Variants in CCDC50 observed in about 807,000 individuals in gnomAD.
The protein encoded by CCDC50 is coiled-coil domain-containing protein 50.
CCDC50 carries 54 observed loss-of-function variants against 70.2 expected under a neutral mutation model. The observed-to-expected ratio is 0.77, with a 90% CI of 0.62 to 0.96. The LOEUF (loss-of-function observed/expected upper bound fraction) is 0.96, where lower values mean the gene tolerates loss of function less well. Ranked by LOEUF, CCDC50 falls within the 50% of genes least tolerant of loss-of-function variation. The pLI is 0.00. For missense variants in CCDC50, 558 were observed against 578.7 expected (o/e 0.96, Z 0.37); for synonymous variants, 216 against 198.8 (o/e 1.09, Z -0.73).
chr3:191,381,119 T>C (rs986710452), intron 9 of CCDC50, among the ~76,000 whole-genome samples, 187 bp downstream of exon 9: 4 of 152,154 alleles, frequency 2.6e-5, no homozygotes, highest in Admixed American at 6.6e-5. Flanking sequence ...TTGGAACATA[T>C]GTAAAAAGTT....
intron 1 of CCDC50, among the ~76,000 whole-genome samples, chr3:191,341,345 C>G (rs1166816376): frequency 6.6e-6 from 1 of 152,082 alleles, no homozygotes; most frequent in Non-Finnish European, 1.5e-5. Flanking sequence ...CTAATTTAGT[C>G]CTCACAACAT....
In CCDC50 at chr3:191,397,759, A is replaced by G. The variant is rs540381283; in HGVS notation, c.*5999A>G. ...TGATATTTGGAATGTGGATATATTT[A>G]TAAAACAAATGGATTGTTATTCCAA... On this transcript the variant is annotated 3_prime_UTR_variant, in exon 12 of 12. Transcript: ENST00000392455. 1.2e-4 allele frequency: 18 copies of G among 152,394 alleles called. No individual in the cohort carries two copies. The highest frequency in any genetic ancestry group is 1.1e-3 in the Admixed American group (17 of 15,310). The allele number at this position is 152,394 out of a possible 1,614,324, so 9.4% of individuals were successfully genotyped here.
chr3:191,354,185 A>G (rs573724128), intron 1 of CCDC50, among the ~76,000 whole-genome samples: 1 of 152,264 alleles, frequency 6.6e-6, no homozygotes, highest in South Asian at 2.1e-4. Flanking sequence ...AAACCCATGA[A>G]CCTACCACCC....
chr3:191,391,757 T>C lies in CCDC50; in HGVS notation c.1446T>C (p.His482=). 1 of 1,612,890 alleles carries C rather than the reference T, an allele frequency of 6.2e-7. No homozygotes were observed. The highest frequency in any genetic ancestry group is 1.1e-5 in the South Asian group (1 of 91,024). ...CCTCCCCAGGTTTTCATTACAAACA[T>C]TAAAAACCTAGGAATCTGCCTTGAA... ...ESSHKGFHYK[H] Residue 482 remains histidine (H), a synonymous_variant, in exon 12 of 12, where the codon CAT becomes CAC. Coordinates refer to ENST00000392455, the MANE Select transcript of CCDC50 (RefSeq NM_178335.3).
Position 191,375,402 on chromosome 3 carries a change from A to T in CCDC50, c.789A>T (p.Arg263=). ...AGACTAAGATTAACCATCAGACTCG[A>T]AATTGGGAAAAACAGTCTCGACACC... The part of the protein sequence containing the change: ...DWETKINHQT[R]NWEKQSRHQD... Residue 263 remains arginine, a synonymous_variant, in exon 6 of 12, where the codon CGA becomes CGT. Coordinates refer to ENST00000392455, the MANE Select transcript of CCDC50 (RefSeq NM_178335.3). 6.2e-7 allele frequency: 1 copy of T among 1,613,788 alleles called. No individual in the cohort carries two copies. The highest frequency in any genetic ancestry group is 8.5e-7 in the Non-Finnish European group (1 of 1,179,840).
chr3:191,384,315 G>A (rs1012337333), intron 10 of CCDC50, among the ~76,000 whole-genome samples: 4 of 152,088 alleles, frequency 2.6e-5, no homozygotes, highest in Non-Finnish European at 5.9e-5. Context: ...GGAATTTTAT[G>A]AAACCTGTAT....
intron 6 of CCDC50, among the ~76,000 whole-genome samples, chr3:191,379,024 G>C (rs1162291146): frequency 6.6e-6 from 1 of 152,050 alleles, no homozygotes; most frequent in Non-Finnish European, 1.5e-5. Context: ...GTGTTTACTT[G>C]TATTTTATTT....
At chr3:191,376,854 TC>T (rs1199118928) in intron 6 of CCDC50, among the ~76,000 whole-genome samples, 1 of 152,148 alleles carries the variant, frequency 6.6e-6, no homozygotes, top group Non-Finnish European at 1.5e-5. Context: ...GTTTACAAGT[TC>T]CAAAGGTGTG....
chr3:191,345,318 C>A (rs1032434579), intron 1 of CCDC50, among the ~76,000 whole-genome samples: 9 of 152,318 alleles, frequency 5.9e-5, no homozygotes, highest in Middle Eastern at 3.4e-3. Context: ...TGTTTGCGGG[C>A]ATTTTAAAAA....
chr3:191,385,688 GTT>G (rs1713467214), intron 10 of CCDC50, among the ~76,000 whole-genome samples: 1 of 106,094 alleles, frequency 9.4e-6, no homozygotes, highest in South Asian at 2.8e-4. Flanking sequence ...TGTTATATTT[GTT>G]TATTTGTTTT....
intron 1 of CCDC50, among the ~76,000 whole-genome samples, chr3:191,334,616 A>G (rs368987509): frequency 1.3e-5 from 2 of 152,108 alleles, no homozygotes; most frequent in African/African-American, 4.8e-5. Flanking sequence ...AGAATTAGAA[A>G]AGTTTAGAAC....
intron 5 of CCDC50, among the ~76,000 whole-genome samples, chr3:191,372,675 T>G (rs1471426780): frequency 6.6e-6 from 1 of 152,164 alleles, no homozygotes. Flanking sequence ...ATTATGGATT[T>G]TCTACAAATT....
intron 1 of CCDC50, among the ~76,000 whole-genome samples, chr3:191,346,852 C>G (rs1711944397): frequency 6.6e-6 from 1 of 152,122 alleles, no homozygotes. Context: ...ACGATTAAAA[C>G]CCTTTTTGAT....
intron 3 of CCDC50, among the ~76,000 whole-genome samples, chr3:191,360,856 T>C (rs1185019784): frequency 1.3e-5 from 2 of 152,304 alleles, no homozygotes; most frequent in East Asian, 3.9e-4. Context: ...ATTTTCGTTG[T>C]GATCTTGAGA....
intron 4 of CCDC50, among the ~76,000 whole-genome samples, chr3:191,367,603 A>G (rs1229792643): frequency 6.6e-6 from 1 of 152,170 alleles, no homozygotes; most frequent in Non-Finnish European, 1.5e-5. Flanking sequence ...TGAACTAATC[A>G]ATCTTAAAGC....
rs575196470 is a variant in CCDC50, at chr3:191,390,455, A to G, written c.1429+853A>G. On this transcript the variant is annotated intron_variant, in intron 11 of 11. Transcript: ENST00000392455. ...CAGCAGTGTGGGCTGCTGGTTGCCC[A>G]TTTTTATGGTTATTTGATTATATGC... is the stretch of plus-strand genomic sequence containing the variant. Among the ~76,000 whole-genome samples the G allele has an allele frequency of 6.6e-5, 10 of 152,342 alleles. No individual in the cohort carries two copies. The South Asian group carries it at 2.1e-3, about 32-fold the overall frequency.
At chr3:191,361,497 A>C (rs1712485702) in intron 4 of CCDC50, among the ~76,000 whole-genome samples, 1 of 152,206 alleles carries the variant, frequency 6.6e-6, no homozygotes, top group Admixed American at 6.5e-5. Context: ...TGGCAGGGTC[A>C]CGCTACCTCT....
rs779606404 is a variant in CCDC50 at position 191,382,810 on chromosome 3, A to AT, written c.1308dup (p.Glu437Ter). ...AGTGATGAACCTCACCATTCTAAGAATGAAAGGCCAGCACGGTAAGCTGAC... is the reference window on the plus strand; with the variant it reads ...AGTGATGAACCTCACCATTCTAAGAATTGAAAGGCCAGCACGGTAAGCTGAC... On this transcript the variant is annotated frameshift_variant, in exon 10 of 12. Coordinates refer to ENST00000392455, the MANE Select transcript of CCDC50 (RefSeq NM_178335.3). LOFTEE classifies it high-confidence loss of function. 6.2e-7 allele frequency: 1 copy of AT among 1,612,282 alleles called. No individual in the cohort carries two copies. Among genetic ancestry groups the AT allele is most frequent in the South Asian group, 1.1e-5 (1 of 91,054 alleles).
At chr3:191,346,812 T>C (rs1251044169) in intron 1 of CCDC50, among the ~76,000 whole-genome samples, 10 of 152,256 alleles carry the variant, frequency 6.6e-5, no homozygotes, top group Non-Finnish European at 1.5e-4. Context: ...TCCAGATGAT[T>C]GCTTGGACAA....
Sources: gnomAD v4.1 joint callset for allele counts (sites outside exome capture counted in the v4.1 genomes callset) on GRCh38, gnomAD v4.1.1 for gene constraint, MANE v1.5 for transcripts, NCBI Gene and HGNC (gene_info 2026-07-23, HGNC 2026-07-21) for gene names.